Variants in KCNJ3 observed in about 807,000 individuals in gnomAD.
KCNJ3 encodes potassium inwardly rectifying channel subfamily J member 3.
A neutral mutation model predicts 39.2 loss-of-function variants in KCNJ3; 4 were observed. That is an observed-to-expected ratio of 0.10 (90% CI 0.05 to 0.23). The LOEUF (loss-of-function observed/expected upper bound fraction) is 0.23, where lower values mean the gene tolerates loss of function less well. Ranked by LOEUF, KCNJ3 falls within the 10% of genes least tolerant of loss-of-function variation. The probability of loss-of-function intolerance (pLI) is 1.00; values close to 1 mark genes in which losing one functional copy is unlikely to be tolerated. For missense variants in KCNJ3, 276 were observed against 634.9 expected, an observed-to-expected ratio of 0.43 and a Z score of 6.08; for synonymous variants, 230 against 237.4, an observed-to-expected ratio of 0.97 and a Z score of 0.29.
chr2:154,854,302 A>G (rs1313548310), intron 2 of KCNJ3, among the ~76,000 whole-genome samples: 2 of 152,202 alleles, frequency 1.3e-5, no homozygotes, highest in South Asian at 2.1e-4. Flanking sequence ...TCAGTTAAAT[A>G]TATTTTCTAA....
At chr2:154,738,655 A>G (rs1054501416) in intron 2 of KCNJ3, among the ~76,000 whole-genome samples, 4 of 152,154 alleles carry the variant, frequency 2.6e-5, no homozygotes, top group Non-Finnish European at 4.4e-5. Context: ...ACACGTAAGT[A>G]TAGAATAAAG....
Position 154,857,473 on chromosome 2 carries a change from A to G in KCNJ3, c.*2160A>G, listed in dbSNP as rs1447136700. On this transcript the variant is annotated 3_prime_UTR_variant, in exon 3 of 3. Transcript: ENST00000295101. ...ATTTTTAGTTCCTGGGGATTTGGAC[A>G]TGGCTAAGTCAGAGAAGGCCATTGC... 6.6e-6 allele frequency: 1 copy of G among 152,168 alleles called. No homozygotes were observed. The highest frequency in any genetic ancestry group is 1.5e-5 in the Non-Finnish European group (1 of 68,036). 9.4% of individuals were successfully genotyped at this position (152,168 alleles called of 1,614,324 possible). A position where few individuals can be genotyped will look rare whatever the true frequency, so the allele number is the denominator to read the frequency against.
In KCNJ3 at chr2:154,699,646, A is replaced by G; in HGVS notation, c.702+169A>G. 3.9e-6 allele frequency: 2 copies of G among 507,356 alleles called. No individual in the cohort carries two copies. The highest frequency in any genetic ancestry group is 5.1e-6 in the Non-Finnish European group (2 of 392,910). The allele number at this position is 507,356 out of a possible 1,614,324, so 31.4% of individuals were successfully genotyped here. ...GAGGACTGGGCAAAGAATGCGGTTG[A>G]CAGTTCTGTTCCTTTTCCACTCACT... On this transcript the variant is annotated intron_variant, in intron 1 of 2. Coordinates refer to ENST00000295101, the MANE Select transcript of KCNJ3 (RefSeq NM_002239.4). The surrounding 1 kb of genome is among the most constrained non-coding windows in gnomAD (Gnocchi z 6.4).
chr2:154,786,920 A>G (rs943752378), intron 2 of KCNJ3, among the ~76,000 whole-genome samples: 1 of 152,198 alleles, frequency 6.6e-6, no homozygotes, highest in African/African-American at 2.4e-5. Context: ...TTTAGTGGCT[A>G]TGTTTGCAAC....
intron 2 of KCNJ3, among the ~76,000 whole-genome samples, chr2:154,778,810 T>A (rs1686383117): frequency 6.6e-6 from 1 of 152,146 alleles, no homozygotes; most frequent in Non-Finnish European, 1.5e-5. Flanking sequence ...GAGTGGTTAA[T>A]TACTGAAATA....
chr2:154,815,803 C>A (rs889412911), intron 2 of KCNJ3, among the ~76,000 whole-genome samples: 4 of 152,194 alleles, frequency 2.6e-5, no homozygotes, highest in Non-Finnish European at 4.4e-5. Context: ...TTCTTACTTA[C>A]CAAGCCTGTA....
chr2:154,841,358 A>G (rs1410535857), intron 2 of KCNJ3, among the ~76,000 whole-genome samples: 3 of 152,302 alleles, frequency 2.0e-5, no homozygotes, highest in East Asian at 3.9e-4. Flanking sequence ...GGATTTTCAC[A>G]TCAATGTTCA....
chr2:154,756,812 C>T (rs1685945147), intron 2 of KCNJ3, among the ~76,000 whole-genome samples: 1 of 151,364 alleles, frequency 6.6e-6, no homozygotes, highest in East Asian at 1.9e-4. Flanking sequence ...AGAGCAAAGC[C>T]CTTTGTTTTC....
At chr2:154,787,195 T>A (rs1640239416) in intron 2 of KCNJ3, among the ~76,000 whole-genome samples, 1 of 152,232 alleles carries the variant, frequency 6.6e-6, no homozygotes, top group African/African-American at 2.4e-5. Flanking sequence ...TCTTTCATCC[T>A]CCTCGCATTT....
chr2:154,771,881 A>G (rs906688920), intron 2 of KCNJ3, among the ~76,000 whole-genome samples: 2 of 152,108 alleles, frequency 1.3e-5, no homozygotes, highest in South Asian at 2.1e-4. Context: ...AAATTACTAA[A>G]CGGATACCCT....
chr2:154,848,593 CAATA>C (rs1203747461), intron 2 of KCNJ3, among the ~76,000 whole-genome samples: 4 of 152,128 alleles, frequency 2.6e-5, no homozygotes, highest in Non-Finnish European at 4.4e-5. Flanking sequence ...ATAGCAGCTA[CAATA>C]AATATCACTA....
Position 154,699,788 on chromosome 2 carries a change from G to T in KCNJ3, c.702+311G>T, listed in dbSNP as rs1051046752. On this transcript the variant is annotated intron_variant, in intron 1 of 2. Coordinates refer to ENST00000295101, the MANE Select transcript of KCNJ3 (RefSeq NM_002239.4). This position sits in a 1 kb window ranked among gnomAD's most constrained non-coding sequence, Gnocchi z 6.4. The stretch of plus-strand genomic sequence containing the variant: ...CATGAGGGCAATTAGTGCCCTGTTC[G>T]CCTTCCTGTCCCTGTTGCTTCGCTA... 1.3e-5 allele frequency among the ~76,000 whole-genome samples: 2 copies of T among 152,046 alleles called. No homozygotes were observed. The highest frequency in any genetic ancestry group is 2.9e-5 in the Non-Finnish European group (2 of 68,022).
intron 2 of KCNJ3, among the ~76,000 whole-genome samples, chr2:154,840,609 C>T (rs1412232172): frequency 6.6e-6 from 1 of 152,116 alleles, no homozygotes; most frequent in Admixed American, 6.6e-5. Context: ...TCTTTTAGTT[C>T]GTTGAGCAGT....
chr2:154,801,713 A>G (rs1574467783), intron 2 of KCNJ3, among the ~76,000 whole-genome samples: 1 of 151,290 alleles, frequency 6.6e-6, no homozygotes, highest in Admixed American at 6.6e-5. Context: ...TGCAGCCTTT[A>G]CCCTCCAGGT....
At chr2:154,709,402 AAAT>A (rs1365748402) in intron 1 of KCNJ3, 198 bp from the exon 2 acceptor site, 9 of 587,546 alleles carry the variant, frequency 1.5e-5, no homozygotes, top group Non-Finnish European at 2.7e-5. Flanking sequence ...TGTGTATTAT[AAAT>A]AATGCATGTA....
intron 2 of KCNJ3, among the ~76,000 whole-genome samples, chr2:154,755,680 G>GTTTTTC: frequency 6.6e-6 from 1 of 151,202 alleles, no homozygotes; most frequent in Non-Finnish European, 1.5e-5. Flanking sequence ...TTACAAATCT[G>GTTTTTC]TTTTTCTTCT....
At chr2:154,794,897 A>G (rs764259384) in intron 2 of KCNJ3, among the ~76,000 whole-genome samples, 31 of 151,948 alleles carry the variant, frequency 2.0e-4, no homozygotes, top group Non-Finnish European at 2.5e-4. Context: ...AAAGCCTACT[A>G]CTCGTGTTAA....
intron 2 of KCNJ3, among the ~76,000 whole-genome samples, chr2:154,713,815 T>C (rs1250848548): frequency 6.6e-6 from 1 of 152,228 alleles, no homozygotes; most frequent in Non-Finnish European, 1.5e-5. Context: ...AACTCCATGC[T>C]TTCAAACTTC....
At chr2:154,779,596 T>C (rs1228387497) in intron 2 of KCNJ3, among the ~76,000 whole-genome samples, 1 of 149,678 alleles carries the variant, frequency 6.7e-6, no homozygotes, top group African/African-American at 2.4e-5. Flanking sequence ...TAGGCTGGAG[T>C]GCAGTGGCAT....
Sources: allele counts gnomAD v4.1 joint callset (sites outside exome capture counted in the v4.1 genomes callset), GRCh38; gene constraint gnomAD v4.1.1; non-coding constraint Gnocchi (gnomAD v3.1); transcripts MANE v1.5; gene names NCBI Gene and HGNC (gene_info 2026-07-23, HGNC 2026-07-21).